Variants in DHRS7B observed in about 807,000 individuals in gnomAD.
DHRS7B encodes dehydrogenase/reductase 7B.
Under a neutral mutation model 26.4 loss-of-function variants are expected in DHRS7B, and 24 were observed. The observed-to-expected ratio is 0.91, with a 90% CI of 0.66 to 1.28. The LOEUF (loss-of-function observed/expected upper bound fraction) is 1.28. Ranked by LOEUF, DHRS7B falls within the 50% of genes most tolerant of loss-of-function variation. The pLI, the probability that DHRS7B is intolerant of heterozygous loss-of-function variation, is 0.00. For synonymous variants in DHRS7B, 142 were observed against 166.4 expected, an observed-to-expected ratio of 0.85 and a Z score of 1.13; for missense variants, 368 against 419.4, an observed-to-expected ratio of 0.88 and a Z score of 1.07.
At chr17:21,153,869 A>G (rs1190761171) in intron 1 of DHRS7B, among the ~76,000 whole-genome samples, 2 of 152,218 alleles carry the variant, frequency 1.3e-5, no homozygotes, top group Non-Finnish European at 2.9e-5. Context: ...AAAAGGGACA[A>G]AAACATTCAA....
Position 21,134,705 on chromosome 17 carries a change from C to CTCATAAATAGT in DHRS7B, c.20+7716_20+7726dup, listed in dbSNP as rs368786284. 4.0e-3 allele frequency among the ~76,000 whole-genome samples: 610 copies of CTCATAAATAGT among 152,280 alleles called. 6 individuals carry two copies. Among genetic ancestry groups the CTCATAAATAGT allele is most frequent in the African/African-American group, 0.014 (593 of 41,546 alleles). The stretch of plus-strand genomic sequence containing the variant: ...AAATAACTGTATTGCCATAAGAATA[C>CTCATAAATAGT]TCATAAATAGTTTCCAGATTCTGGA... On this transcript the variant is annotated intron_variant, in intron 1 of 6. Transcript: ENST00000395511.
chr17:21,130,136 G>A (rs1045456271), intron 1 of DHRS7B, among the ~76,000 whole-genome samples: 2 of 152,164 alleles, frequency 1.3e-5, no homozygotes, highest in Admixed American at 6.5e-5. Flanking sequence ...GGTGGCTCAC[G>A]CCTGTAATCC....
intron 3 of DHRS7B, 104 bp downstream of exon 3, chr17:21,178,446 C>T (rs1567628375): frequency 3.3e-6 from 3 of 904,328 alleles, no homozygotes; most frequent in Non-Finnish European, 5.2e-6. Flanking sequence ...GTAGGACATC[C>T]ATGCGTCACA....
At chr17:21,167,915 G>C (rs1013462669) in intron 1 of DHRS7B, among the ~76,000 whole-genome samples, 1 of 152,130 alleles carries the variant, frequency 6.6e-6, no homozygotes, top group African/African-American at 2.4e-5. Context: ...AAGAAAACAG[G>C]CCTCCCTTTG....
At chr17:21,129,358 G>A (rs962988735) in intron 1 of DHRS7B, among the ~76,000 whole-genome samples, 1 of 152,050 alleles carries the variant, frequency 6.6e-6, no homozygotes, top group African/African-American at 2.4e-5. Flanking sequence ...CAGGAGGAGG[G>A]AAGGGCATGT....
chr17:21,138,127 CACACAT>C (rs1464630833), intron 1 of DHRS7B, among the ~76,000 whole-genome samples: 5 of 141,704 alleles, frequency 3.5e-5, no homozygotes, highest in African/African-American at 1.3e-4. Flanking sequence ...CACACACACA[CACACAT>C]ATATTTATTG....
chr17:21,177,251 G>A (rs1424160575), intron 2 of DHRS7B, among the ~76,000 whole-genome samples: 3 of 152,318 alleles, frequency 2.0e-5, no homozygotes, highest in Admixed American at 2.0e-4. Flanking sequence ...ACCCAGGCAC[G>A]TGAGAGCACC....
chr17:21,128,934 A>C (rs894049888), intron 1 of DHRS7B: 5 of 151,378 alleles, frequency 3.3e-5, no homozygotes, highest in African/African-American at 1.2e-4. Context: ...ACAACAACAA[A>C]CAACAACAAA....
chr17:21,143,787 C>A (rs997996495), intron 1 of DHRS7B, among the ~76,000 whole-genome samples: 1 of 152,194 alleles, frequency 6.6e-6, no homozygotes, highest in African/African-American at 2.4e-5. Flanking sequence ...GCTGACTCTT[C>A]GGGGTAGCAA....
chr17:21,179,709 TATAAG>T (rs767289635), intron 3 of DHRS7B, among the ~76,000 whole-genome samples: 4 of 152,196 alleles, frequency 2.6e-5, no homozygotes, highest in Non-Finnish European at 5.9e-5. Context: ...ATTAATCCCT[TATAAG>T]ATATGTGATT....
At chr17:21,139,712 T>C (rs1393199486) in intron 1 of DHRS7B, among the ~76,000 whole-genome samples, 1 of 152,036 alleles carries the variant, frequency 6.6e-6, no homozygotes, top group Non-Finnish European at 1.5e-5. Context: ...AATTGCTTGA[T>C]TAATAAATGC....
intron 1 of DHRS7B, among the ~76,000 whole-genome samples, chr17:21,146,006 C>A (rs1430171113): frequency 6.6e-6 from 1 of 152,152 alleles, no homozygotes; most frequent in Non-Finnish European, 1.5e-5. Flanking sequence ...TTTCTTCGTT[C>A]GTTCTCTTTA....
At chr17:21,172,328 C>T (rs1206742353) in intron 2 of DHRS7B, 132 bp downstream of exon 2, 16 of 1,107,994 alleles carry the variant, frequency 1.4e-5, no homozygotes, top group South Asian at 5.4e-5. Context: ...GGAAGTGGGC[C>T]GGATGGCACT....
intron 1 of DHRS7B, among the ~76,000 whole-genome samples, chr17:21,154,698 T>G (rs1024355139): frequency 5.3e-5 from 8 of 152,320 alleles, no homozygotes; most frequent in Non-Finnish European, 1.0e-4. Context: ...AAAATAATCA[T>G]AGCAACAATG....
At chr17:21,136,175 A>T (rs1026167411) in intron 1 of DHRS7B, among the ~76,000 whole-genome samples, 1 of 152,008 alleles carries the variant, frequency 6.6e-6, no homozygotes, top group East Asian at 1.9e-4. Flanking sequence ...GGTGGTGCAC[A>T]CCTGTAATCT....
At chr17:21,185,795 C>A (rs1040435029) in intron 5 of DHRS7B, among the ~76,000 whole-genome samples, 1 of 151,922 alleles carries the variant, frequency 6.6e-6, no homozygotes, top group Non-Finnish European at 1.5e-5. Flanking sequence ...TCAAGCGATT[C>A]TTCTGCCTCA....
intron 2 of DHRS7B, 131 bp from the exon 3 acceptor site, chr17:21,178,102 T>C (rs1230798282): frequency 2.6e-5 from 21 of 817,506 alleles, no homozygotes; most frequent in Non-Finnish European, 4.1e-5. Flanking sequence ...CCCAGCTTCA[T>C]GCTGGGCCAC....
At chr17:21,164,087 G>A (rs1974058481) in intron 1 of DHRS7B, among the ~76,000 whole-genome samples, 1 of 139,978 alleles carries the variant, frequency 7.1e-6, no homozygotes. Flanking sequence ...GGAGTGCAGT[G>A]GCATCATCAT....
intron 1 of DHRS7B, among the ~76,000 whole-genome samples, chr17:21,132,530 CAAA>C (rs34728939): frequency 4.9e-5 from 4 of 81,698 alleles, no homozygotes; most frequent in Admixed American, 1.6e-4. Flanking sequence ...GACCTTGTCT[CAAA>C]AAAAAAAAAA....
Sources: gnomAD v4.1 joint callset for allele counts (sites outside exome capture counted in the v4.1 genomes callset) on GRCh38, gnomAD v4.1.1 for gene constraint, MANE v1.5 for transcripts, NCBI Gene and HGNC (gene_info 2026-07-23, HGNC 2026-07-21) for gene names.